PTPRD: variants seen among roughly 807,000 people sequenced by gnomAD.
The protein encoded by PTPRD is receptor-type tyrosine-protein phosphatase delta.
PTPRD carries 34 observed loss-of-function variants against 214.5 expected under a neutral mutation model. That is an observed-to-expected ratio of 0.16 (90% CI 0.12 to 0.21). The LOEUF (loss-of-function observed/expected upper bound fraction) is 0.21. Ranked by LOEUF, PTPRD falls within the 10% of genes least tolerant of loss-of-function variation. The pLI, the probability that PTPRD is intolerant of heterozygous loss-of-function variation, is 1.00. For missense variants in PTPRD, 2,545 were observed against 2,398.7 expected, an observed-to-expected ratio of 1.06 and a Z score of -1.27; for synonymous variants, 1,128 against 845.7, an observed-to-expected ratio of 1.33 and a Z score of -5.79.
intron 4 of PTPRD, among the ~76,000 whole-genome samples, chr9:10,013,287 A>T (rs1189637276): frequency 6.6e-6 from 1 of 151,934 alleles, no homozygotes; most frequent in Non-Finnish European, 1.5e-5. Flanking sequence ...TACTGTGCTA[A>T]TGCTGGCGAA....
chr9:10,399,944 G>T (rs984751670), intron 2 of PTPRD, among the ~76,000 whole-genome samples: 5 of 151,822 alleles, frequency 3.3e-5, no homozygotes, highest in African/African-American at 1.2e-4. Context: ...TATTTATGCT[G>T]TTGGCAATGG....
intron 35 of PTPRD, among the ~76,000 whole-genome samples, chr9:8,422,677 A>G (rs1243629894): frequency 2.0e-5 from 3 of 152,218 alleles, no homozygotes; most frequent in Admixed American, 2.0e-4. Context: ...TTTTAAAGAT[A>G]ATAGGATGAT....
intron 5 of PTPRD, among the ~76,000 whole-genome samples, chr9:9,915,192 C>A (rs1010217786): frequency 6.6e-6 from 1 of 152,130 alleles, no homozygotes; most frequent in Non-Finnish European, 1.5e-5. Context: ...GGCCCACACA[C>A]CCTACCAAAC....
At chr9:9,431,016 C>A (rs2082885284) in intron 8 of PTPRD, among the ~76,000 whole-genome samples, 1 of 152,106 alleles carries the variant, frequency 6.6e-6, no homozygotes. Context: ...GTCTAAAACA[C>A]CAAAAGCAAT....
intron 26 of PTPRD, among the ~76,000 whole-genome samples, chr9:8,496,207 CACAA>C (rs770217837): frequency 1.2e-3 from 147 of 123,196 alleles, no homozygotes; most frequent in African/African-American, 2.9e-3. Context: ...CACACACACA[CACAA>C]ACACACACAC....
intron 5 of PTPRD, among the ~76,000 whole-genome samples, chr9:9,796,896 C>A (rs969355614): frequency 1.3e-5 from 2 of 152,084 alleles, no homozygotes; most frequent in Admixed American, 1.3e-4. Flanking sequence ...GAAGTATACA[C>A]CATTACGTCA....
intron 2 of PTPRD, among the ~76,000 whole-genome samples, chr9:10,482,575 C>T (rs554042043): frequency 1.3e-4 from 19 of 151,694 alleles, no homozygotes; most frequent in African/African-American, 4.3e-4. Context: ...TGGAGAAGAC[C>T]CCTCAAAAAG....
At chr9:8,933,984 G>C (rs10733552) in intron 11 of PTPRD, among the ~76,000 whole-genome samples, 39,908 of 151,842 alleles carry the variant, frequency 0.26, 5,777 homozygotes, top group East Asian at 0.55. Context: ...TTGGGGCTGG[G>C]AAAGGAAATG....
chr9:8,332,176 C>T (rs562486171), intron 43 of PTPRD, among the ~76,000 whole-genome samples: 1 of 152,148 alleles, frequency 6.6e-6, no homozygotes, highest in African/African-American at 2.4e-5. Context: ...AATATTGAAA[C>T]AAGCACCTAG....
intron 12 of PTPRD, among the ~76,000 whole-genome samples, chr9:8,715,218 G>T (rs1254231420): frequency 6.6e-6 from 1 of 152,084 alleles, no homozygotes; most frequent in Non-Finnish European, 1.5e-5. Flanking sequence ...AAATCCTACA[G>T]CTACATCGAC....
At chr9:9,568,923 C>A (rs373797234) in intron 8 of PTPRD, among the ~76,000 whole-genome samples, 1 of 151,752 alleles carries the variant, frequency 6.6e-6, no homozygotes, top group African/African-American at 2.4e-5. Context: ...ATGCTTAGTA[C>A]ATACAGATGC....
intron 9 of PTPRD, among the ~76,000 whole-genome samples, chr9:9,378,953 T>C (rs924634787): frequency 6.6e-6 from 1 of 151,734 alleles, no homozygotes; most frequent in African/African-American, 2.4e-5. Context: ...ATTCTGTGGC[T>C]TATCTTCTCA....
chr9:9,337,494 TG>T (rs2045018123), intron 9 of PTPRD, among the ~76,000 whole-genome samples: 1 of 152,188 alleles, frequency 6.6e-6, no homozygotes, highest in Non-Finnish European at 1.5e-5. Flanking sequence ...AGCCAGGGGA[TG>T]ATTTTACTTA....
At chr9:9,377,274 C>T (rs567347516) in intron 9 of PTPRD, among the ~76,000 whole-genome samples, 1 of 152,058 alleles carries the variant, frequency 6.6e-6, no homozygotes, top group South Asian at 2.1e-4. Context: ...ATATAAGGAA[C>T]AAAACAGTAG....
intron 2 of PTPRD, among the ~76,000 whole-genome samples, chr9:10,533,103 GT>G (rs2056852196): frequency 6.6e-6 from 1 of 152,010 alleles, no homozygotes; most frequent in South Asian, 2.1e-4. Context: ...GGCATCCTGG[GT>G]TTTTCTCTCT....
intron 7 of PTPRD, among the ~76,000 whole-genome samples, chr9:9,676,864 C>A (rs1208815422): frequency 1.3e-5 from 2 of 152,142 alleles, no homozygotes; most frequent in South Asian, 2.1e-4. Flanking sequence ...ATTTGCATTT[C>A]TCTGATGGCC....
At chr9:9,419,413 T>C (rs2078004577) in intron 8 of PTPRD, among the ~76,000 whole-genome samples, 1 of 150,906 alleles carries the variant, frequency 6.6e-6, no homozygotes, top group South Asian at 2.1e-4. Flanking sequence ...TATTAATGAC[T>C]CTTCAACAGT....
At chr9:9,645,457 G>GTATATATATATA (rs150506021) in intron 7 of PTPRD, among the ~76,000 whole-genome samples, 49 of 134,360 alleles carry the variant, frequency 3.6e-4, no homozygotes, top group Middle Eastern at 4.0e-3. Context: ...CTACATATAT[G>GTATATATATATA]TATATATATA....
chr9:10,533,834 G>A (rs1265745068), intron 2 of PTPRD, among the ~76,000 whole-genome samples: 1 of 151,530 alleles, frequency 6.6e-6, no homozygotes, highest in Non-Finnish European at 1.5e-5. Flanking sequence ...GAACACTAGT[G>A]ACCTATTTTA....
Sources: allele counts gnomAD v4.1 joint callset (sites outside exome capture counted in the v4.1 genomes callset), GRCh38; gene constraint gnomAD v4.1.1; transcripts MANE v1.5; gene names NCBI Gene and HGNC (gene_info 2026-07-23, HGNC 2026-07-21).